Variants in CSMD1 observed in about 807,000 individuals in gnomAD.
The protein encoded by CSMD1 is CUB and sushi domain-containing protein 1.
In CSMD1, 213 loss-of-function variants were observed where a neutral mutation model predicts 417.5. That is an observed-to-expected ratio of 0.51 (90% CI 0.46 to 0.57). The LOEUF (loss-of-function observed/expected upper bound fraction) is 0.57, where lower values mean the gene tolerates loss of function less well. Ranked by LOEUF, CSMD1 falls within the 20% of genes least tolerant of loss-of-function variation. The pLI is 0.00. For synonymous variants in CSMD1, 2,862 were observed against 1,736.8 expected, an observed-to-expected ratio of 1.65 and a Z score of -16.11; for missense variants, 6,923 against 4,529.7, an observed-to-expected ratio of 1.53 and a Z score of -15.17.
At chr8:4,417,656 G>A (rs959333635) in intron 3 of CSMD1, among the ~76,000 whole-genome samples, 3 of 151,824 alleles carry the variant, frequency 2.0e-5, no homozygotes, top group Non-Finnish European at 2.9e-5. Context: ...TCAAATAACA[G>A]GATCCGTGGG....
At chr8:3,721,335 G>C (rs1345666556) in intron 6 of CSMD1, among the ~76,000 whole-genome samples, 2 of 152,128 alleles carry the variant, frequency 1.3e-5, no homozygotes, top group East Asian at 3.9e-4. Flanking sequence ...TGTGGCTGTG[G>C]ATTTTTACTA....
chr8:3,463,566 C>T (rs541893672), intron 12 of CSMD1, among the ~76,000 whole-genome samples: 2 of 152,304 alleles, frequency 1.3e-5, no homozygotes, highest in South Asian at 2.1e-4. Flanking sequence ...AGCGTATTGG[C>T]TTCATGCTCA....
At position 4,013,862 on chromosome 8, in the gene CSMD1, C is replaced by G. The variant is rs1403155647; in HGVS notation, c.611-15752G>C. Among the ~76,000 whole-genome samples the G allele has an allele frequency of 5.3e-5, 8 of 152,118 alleles. No individual in the cohort carries two copies. In the East Asian group the frequency reaches 1.5e-3, roughly 29 times the overall value. On this transcript the variant is annotated intron_variant, in intron 4 of 69. Transcript: ENST00000635120. ...GATCTACAGTGACAGACAAGGGTAG[C>G]TAAAACAGAGATCATATGACATGAA...
intron 5 of CSMD1, among the ~76,000 whole-genome samples, chr8:3,923,745 C>T (rs546991098): frequency 6.6e-6 from 1 of 152,224 alleles, no homozygotes; most frequent in East Asian, 1.9e-4. Flanking sequence ...AAACTTTATA[C>T]CCTTTGACAA....
At chr8:3,628,164 G>C (rs1263279007) in intron 7 of CSMD1, among the ~76,000 whole-genome samples, 1 of 152,032 alleles carries the variant, frequency 6.6e-6, no homozygotes, top group Admixed American at 6.6e-5. Flanking sequence ...ACCCCCCTTT[G>C]GTTACTGAAT....
intron 2 of CSMD1, among the ~76,000 whole-genome samples, chr8:4,594,854 A>G (rs1800172433): frequency 6.6e-6 from 1 of 152,212 alleles, no homozygotes; most frequent in Non-Finnish European, 1.5e-5. Flanking sequence ...ATTCCTTAGT[A>G]AATCTTCATC....
intron 3 of CSMD1, among the ~76,000 whole-genome samples, chr8:4,046,522 A>C (rs935938531): frequency 1.4e-4 from 21 of 152,190 alleles, no homozygotes; most frequent in African/African-American, 4.6e-4. Flanking sequence ...CTGTTGCCTT[A>C]CACGTCATGT....
intron 1 of CSMD1, among the ~76,000 whole-genome samples, chr8:4,916,654 C>A (rs1039934692): frequency 2.0e-5 from 3 of 152,194 alleles, no homozygotes; most frequent in Admixed American, 2.0e-4. Flanking sequence ...AAATACTTTA[C>A]ACAAAGAGTC....
chr8:3,629,028 C>T (rs1229480159), intron 7 of CSMD1, among the ~76,000 whole-genome samples: 1 of 152,100 alleles, frequency 6.6e-6, no homozygotes, highest in African/African-American at 2.4e-5. Flanking sequence ...CTAACCTTTG[C>T]TTCAAGGAAT....
chr8:4,207,222 A>G (rs1800031408), intron 3 of CSMD1, among the ~76,000 whole-genome samples: 1 of 152,212 alleles, frequency 6.6e-6, no homozygotes, highest in Non-Finnish European at 1.5e-5. Context: ...AAAGTTGTAT[A>G]ACATGCAAAT....
intron 2 of CSMD1, among the ~76,000 whole-genome samples, chr8:4,430,002 T>TC (rs1762769172): frequency 6.6e-6 from 1 of 152,184 alleles, no homozygotes; most frequent in Non-Finnish European, 1.5e-5. Flanking sequence ...GAGGTCTCCT[T>TC]AAGTGCCTTC....
At chr8:4,336,104 G>A (rs148175421) in intron 3 of CSMD1, among the ~76,000 whole-genome samples, 3 of 152,058 alleles carry the variant, frequency 2.0e-5, no homozygotes, top group African/African-American at 4.8e-5. Flanking sequence ...GAGAAATAGT[G>A]TAAGTATTTT....
intron 5 of CSMD1, among the ~76,000 whole-genome samples, chr8:3,885,449 G>T (rs7815963): frequency 6.6e-6 from 1 of 151,962 alleles, no homozygotes; most frequent in Non-Finnish European, 1.5e-5. Context: ...TTTGAAAAAA[G>T]CTGAAGTACA....
At chr8:3,492,728 A>G (rs1433408625) in intron 11 of CSMD1, among the ~76,000 whole-genome samples, 1 of 152,162 alleles carries the variant, frequency 6.6e-6, no homozygotes, top group Admixed American at 6.5e-5. Flanking sequence ...GTGAAAACTG[A>G]GAAGTGGGAT....
intron 5 of CSMD1, among the ~76,000 whole-genome samples, chr8:3,782,587 T>G (rs1563074595): frequency 6.6e-6 from 1 of 152,180 alleles, no homozygotes; most frequent in Non-Finnish European, 1.5e-5. Flanking sequence ...ATGGCACATG[T>G]AATCCTATGT....
chr8:4,068,017 G>T (rs913616130), intron 3 of CSMD1, among the ~76,000 whole-genome samples: 2 of 152,032 alleles, frequency 1.3e-5, no homozygotes, highest in African/African-American at 4.8e-5. Flanking sequence ...GGGGGCGAAG[G>T]TTGCAGTGAG....
chr8:3,870,416 A>C (rs75321981), intron 5 of CSMD1, among the ~76,000 whole-genome samples: 169 of 152,276 alleles, frequency 1.1e-3, no homozygotes, highest in African/African-American at 3.9e-3. Context: ...CACTCCATGA[A>C]ACATTTATAT....
At chr8:3,510,914 C>T (rs1038857808) in intron 10 of CSMD1, among the ~76,000 whole-genome samples, 1 of 151,742 alleles carries the variant, frequency 6.6e-6, no homozygotes, top group East Asian at 1.9e-4. Flanking sequence ...AGCCCTTCGT[C>T]AGAGATACAT....
chr8:4,072,119 C>T (rs1799590239), intron 3 of CSMD1, among the ~76,000 whole-genome samples: 1 of 152,196 alleles, frequency 6.6e-6, no homozygotes, highest in Non-Finnish European at 1.5e-5. Flanking sequence ...TCGCTATAGG[C>T]TGTTCAACTC....
Sources: gnomAD v4.1 joint callset for allele counts (sites outside exome capture counted in the v4.1 genomes callset) on GRCh38, gnomAD v4.1.1 for gene constraint, MANE v1.5 for transcripts, NCBI Gene and HGNC (gene_info 2026-07-23, HGNC 2026-07-21) for gene names.